The following ABCC4 variants were observed in gnomAD, a reference collection of about 807,000 sequenced individuals.
ABCC4 encodes ATP binding cassette subfamily C member 4 (PEL blood group).
A neutral mutation model predicts 168.5 loss-of-function variants in ABCC4; 102 were observed. The ratio of observed to expected loss-of-function variants is 0.61; its 90% CI spans 0.52 to 0.71. The LOEUF (loss-of-function observed/expected upper bound fraction) is 0.71, where lower values mean the gene tolerates loss of function less well. ABCC4 is among the 30% of genes least tolerant of loss of function. ABCC4 has a pLI of 0.00. For missense variants in ABCC4, 1,402 were observed against 1,605.8 expected (o/e 0.87, Z 2.17); for synonymous variants, 617 against 590.7 (o/e 1.04, Z -0.65).
At chr13:95,211,439 C>T (rs866314103) in intron 4 of ABCC4, among the ~76,000 whole-genome samples, 129 of 151,932 alleles carry the variant, frequency 8.5e-4, no homozygotes, top group African/African-American at 2.8e-3. Context: ...AGACCCTGGA[C>T]GATGAAGGAG....
chr13:95,263,583 G>C (rs1266871046), intron 1 of ABCC4, among the ~76,000 whole-genome samples: 2 of 152,198 alleles, frequency 1.3e-5, no homozygotes, highest in Non-Finnish European at 2.9e-5. Context: ...AACACTTTGG[G>C]AGGCCAAGGT....
At chr13:95,148,069 G>T (rs2139500447) in intron 19 of ABCC4, among the ~76,000 whole-genome samples, 1 of 152,114 alleles carries the variant, frequency 6.6e-6, no homozygotes, top group Non-Finnish European at 1.5e-5. Flanking sequence ...ACCCTTCCCA[G>T]ACTCCTATTG....
chr13:95,072,343 C>T (rs1404016110), intron 24 of ABCC4, among the ~76,000 whole-genome samples: 2 of 152,082 alleles, frequency 1.3e-5, no homozygotes, highest in East Asian at 3.9e-4. Context: ...TGCCTGTAAT[C>T]CCAGCTACTC....
At chr13:95,033,408 C>T (rs1289568540) in intron 30 of ABCC4, among the ~76,000 whole-genome samples, 1 of 152,130 alleles carries the variant, frequency 6.6e-6, no homozygotes, top group African/African-American at 2.4e-5. Flanking sequence ...TCCTTCCCTC[C>T]CTCCATCAAT....
intron 14 of ABCC4, among the ~76,000 whole-genome samples, chr13:95,168,857 AT>A (rs2037373647): frequency 6.6e-6 from 1 of 152,148 alleles, no homozygotes; most frequent in South Asian, 2.1e-4. Flanking sequence ...CTAAAAAGAT[AT>A]GTTCGAGTCC....
At chr13:95,202,983 C>G (rs1043814723) in intron 8 of ABCC4, among the ~76,000 whole-genome samples, 40 of 152,070 alleles carry the variant, frequency 2.6e-4, no homozygotes, top group African/African-American at 9.4e-4. Context: ...AGATTGACGG[C>G]CTGGGCTAAA....
chr13:95,269,452 TATATATAC>T (rs2040785009), intron 1 of ABCC4: 12 of 160,032 alleles, frequency 7.5e-5, no homozygotes, highest in South Asian at 4.4e-4. Context: ...TATATATATA[TATATATAC>T]ACACAACATT....
At chr13:95,076,134 C>T (rs928187100) in intron 21 of ABCC4, among the ~76,000 whole-genome samples, 1 of 152,188 alleles carries the variant, frequency 6.6e-6, no homozygotes, top group Non-Finnish European at 1.5e-5. Flanking sequence ...ATCTTCTGTG[C>T]CCACTCATGC....
At chr13:95,258,625 T>A (rs1460870839) in intron 1 of ABCC4, among the ~76,000 whole-genome samples, 1 of 152,208 alleles carries the variant, frequency 6.6e-6, no homozygotes, top group Non-Finnish European at 1.5e-5. Flanking sequence ...AGGATTTTTT[T>A]ATGGTGTTCA....
At chr13:95,047,761 G>T (rs2032653856) in intron 27 of ABCC4, among the ~76,000 whole-genome samples, 1 of 152,178 alleles carries the variant, frequency 6.6e-6, no homozygotes, top group African/African-American at 2.4e-5. Context: ...GGGATTACAG[G>T]CGTGAGCCAC....
chr13:95,199,720 C>T (rs985241208), intron 8 of ABCC4, among the ~76,000 whole-genome samples: 1 of 152,104 alleles, frequency 6.6e-6, no homozygotes, highest in African/African-American at 2.4e-5. Flanking sequence ...AGCCTCCTGA[C>T]GTATCTCCCT....
chr13:95,199,719 A>G (rs758246445), intron 8 of ABCC4, among the ~76,000 whole-genome samples: 36 of 152,090 alleles, frequency 2.4e-4, no homozygotes, highest in South Asian at 1.3e-3. Flanking sequence ...CAGCCTCCTG[A>G]CGTATCTCCC....
intron 19 of ABCC4, among the ~76,000 whole-genome samples, chr13:95,153,198 T>C (rs75283426): frequency 0.016 from 2,450 of 152,304 alleles, 29 homozygotes; most frequent in Non-Finnish European, 0.027. Flanking sequence ...AGAACTATAA[T>C]GTTGATCTAA....
rs1245031837 is a variant in ABCC4 at position 95,178,195 on chromosome 13, C to T, written c.1546-104G>A. The T allele has an allele frequency of 4.0e-5, 39 of 985,826 alleles. No homozygotes were observed. The Admixed American group carries it at 7.7e-4, about 20-fold the overall frequency. 61.1% of individuals were successfully genotyped at this position (985,826 alleles called of 1,614,324 possible). On this transcript the variant is annotated intron_variant, in intron 11 of 30. Coordinates refer to ENST00000645237, the MANE Select transcript of ABCC4 (RefSeq NM_005845.5). ...TTATCCTAAACTTTGCACATTAGTTCTTCAGAAATTTACATGTATTTGATC... is the reference window on the plus strand; with the variant it reads ...TTATCCTAAACTTTGCACATTAGTTTTTCAGAAATTTACATGTATTTGATC...
chr13:95,147,825 C>A (rs1000938230), intron 19 of ABCC4, among the ~76,000 whole-genome samples: 1 of 152,128 alleles, frequency 6.6e-6, no homozygotes, highest in South Asian at 2.1e-4. Context: ...TCAGCTGTAT[C>A]GTTTTCAAAC....
chr13:95,175,700 G>T (rs1485044409), intron 13 of ABCC4, among the ~76,000 whole-genome samples: 2 of 152,238 alleles, frequency 1.3e-5, no homozygotes, highest in Non-Finnish European at 2.9e-5. Context: ...AGGAAGAGGA[G>T]ATTTGGATAC....
intron 16 of ABCC4, among the ~76,000 whole-genome samples, chr13:95,164,054 A>AAAAAAAAAAAAAAAAGAAAG (rs59935866): frequency 2.2e-5 from 3 of 139,014 alleles, no homozygotes; most frequent in South Asian, 2.3e-4. Flanking sequence ...AAAAAAAAAA[A>AAAAAAAAAAAAAAAAGAAAG]AAAGAAAGAA....
chr13:95,201,789 G>A (rs142949653), intron 8 of ABCC4, among the ~76,000 whole-genome samples: 3 of 152,188 alleles, frequency 2.0e-5, no homozygotes, highest in South Asian at 2.1e-4. Context: ...CCTGGCCAAC[G>A]TGGTGAAACC....
intron 27 of ABCC4, among the ~76,000 whole-genome samples, chr13:95,046,470 G>T (rs989185615): frequency 6.6e-6 from 1 of 152,076 alleles, no homozygotes; most frequent in African/African-American, 2.4e-5. Context: ...TTATGAGAAT[G>T]ATATGAATGT....
Sources: allele counts gnomAD v4.1 joint callset (sites outside exome capture counted in the v4.1 genomes callset), GRCh38; gene constraint gnomAD v4.1.1; transcripts MANE v1.5; gene names NCBI Gene and HGNC (gene_info 2026-07-23, HGNC 2026-07-21).